Variants in TNFRSF8 observed in about 807,000 individuals in gnomAD.
The protein encoded by TNFRSF8 is tumor necrosis factor receptor superfamily member 8.
Under a neutral mutation model 70.8 loss-of-function variants are expected in TNFRSF8, and 26 were observed. The ratio of observed to expected loss-of-function variants is 0.37; its 90% confidence interval spans 0.27 to 0.51. The LOEUF (loss-of-function observed/expected upper bound fraction) is 0.51, where lower values mean the gene tolerates loss of function less well. Ranked by LOEUF, TNFRSF8 falls within the 20% of genes least tolerant of loss-of-function variation. The pLI is 0.94. For synonymous variants in TNFRSF8, 356 were observed against 339.2 expected, an observed-to-expected ratio of 1.05 and a Z score of -0.54; for missense variants, 720 against 807.9, an observed-to-expected ratio of 0.89 and a Z score of 1.32.
chr1:12,094,572 T>TCAGA (rs1348277364), intron 2 of TNFRSF8, among the ~76,000 whole-genome samples: 1 of 151,426 alleles, frequency 6.6e-6, no homozygotes, highest in Admixed American at 6.6e-5. Flanking sequence ...ACTGGGGAAC[T>TCAGA]ACTGAAGTGT....
intron 4 of TNFRSF8, among the ~76,000 whole-genome samples, chr1:12,107,863 G>T (rs757742154): frequency 2.0e-5 from 3 of 152,028 alleles, no homozygotes; most frequent in African/African-American, 7.2e-5. Flanking sequence ...AAATTCTCAC[G>T]TCTCCATAAG....
chr1:12,115,815 G>A, intron 8 of TNFRSF8, 86 bp downstream of exon 8: 1 of 1,477,522 alleles, frequency 6.8e-7, no homozygotes, highest in East Asian at 2.4e-5. Context: ...AGCCAGGGGT[G>A]GAGGCAAATG....
rs992919687 is a variant in TNFRSF8 at position 12,113,035 on chromosome 1, T to A, written c.793+1021T>A. On this transcript the variant is annotated intron_variant, in intron 7 of 14. Transcript: ENST00000263932. The surrounding 1 kb of genome is among the most constrained non-coding windows in gnomAD (Gnocchi z 4.9). ...TACTAAGGCTGCATAGCAAATTTTC[T>A]TAAAACTTAATTGTGAAAACAAATC... Among the ~76,000 whole-genome samples the A allele has an allele frequency of 6.6e-6, 1 of 152,262 alleles. No homozygotes were observed. Among genetic ancestry groups the A allele is most frequent in the Admixed American group, 6.5e-5 (1 of 15,284 alleles).
chr1:12,103,876 G>A (rs1641468774), intron 3 of TNFRSF8, among the ~76,000 whole-genome samples: 1 of 152,170 alleles, frequency 6.6e-6, no homozygotes, highest in South Asian at 2.1e-4. Flanking sequence ...ATTACTAACT[G>A]AAGTCCATAG....
chr1:12,089,921 CCCATCCAT>C (rs781204282), intron 2 of TNFRSF8, among the ~76,000 whole-genome samples: 7 of 149,980 alleles, frequency 4.7e-5, no homozygotes, highest in African/African-American at 1.2e-4. Flanking sequence ...TCCACCCTTC[CCCATCCAT>C]CCATCCATCC....
intron 2 of TNFRSF8, among the ~76,000 whole-genome samples, chr1:12,095,759 T>G (rs1437807909): frequency 6.6e-6 from 1 of 152,226 alleles, no homozygotes; most frequent in Non-Finnish European, 1.5e-5. Context: ...TGGTCTATTT[T>G]CATTGTAACT....
intron 1 of TNFRSF8, among the ~76,000 whole-genome samples, chr1:12,079,105 C>T (rs563935051): frequency 6.6e-5 from 10 of 152,296 alleles, no homozygotes; most frequent in East Asian, 1.9e-4. Flanking sequence ...TCTAACTCCC[C>T]GCTCACCCCA....
rs1641644437 is a variant in TNFRSF8 at position 12,112,121 on chromosome 1, C to T, written c.793+107C>T. Reference sequence around the variant, plus strand: ...ATGTTTGTGGGTTTTTGATGGGGGTCGCCTCTTTTCAGAGGGCTTCCATTG... The same window carrying T: ...ATGTTTGTGGGTTTTTGATGGGGGTTGCCTCTTTTCAGAGGGCTTCCATTG... On this transcript the variant is annotated intron_variant, in intron 7 of 14. Coordinates refer to ENST00000263932, the MANE Select transcript of TNFRSF8 (RefSeq NM_001243.5). The surrounding 1 kb of genome is among the most constrained non-coding windows in gnomAD (Gnocchi z 5.3). 4.0e-6 allele frequency: 3 copies of T among 755,090 alleles called. No homozygotes were observed. The highest frequency in any genetic ancestry group is 1.8e-5 in the African/African-American group (1 of 56,802). 46.8% of individuals were successfully genotyped at this position (755,090 alleles called of 1,614,324 possible).
intron 8 of TNFRSF8, among the ~76,000 whole-genome samples, chr1:12,118,904 G>A (rs529285477): frequency 2.0e-5 from 3 of 152,048 alleles, no homozygotes; most frequent in South Asian, 4.2e-4. Context: ...TCACTCTGTC[G>A]CCCAGGCTGG....
rs1478645474 is a variant in TNFRSF8, at chr1:12,104,419, C to T, written c.309C>T (p.Ser103=). The stretch of plus-strand genomic sequence containing the variant: ...AGACGCCGTGTGCATGGAACTCCTC[C>T]CGTGTCTGCGAATGTCGACCCGGCA... ...VEKTPCAWNS[S]RVCECRPGMF... The change falls in exon 4 of 15, where the codon TCC becomes TCT. Residue 103 remains serine (S), a synonymous_variant. Coordinates refer to ENST00000263932, the MANE Select transcript of TNFRSF8 (RefSeq NM_001243.5). 4 of 1,614,030 alleles carry T rather than the reference C, an allele frequency of 2.5e-6. No homozygotes were observed. Among genetic ancestry groups the T allele is most frequent in the East Asian group, 4.5e-5 (2 of 44,896 alleles).
At chr1:12,135,824 C>G (rs535743381) in intron 13 of TNFRSF8, among the ~76,000 whole-genome samples, 1 of 152,170 alleles carries the variant, frequency 6.6e-6, no homozygotes, top group Admixed American at 6.5e-5. Flanking sequence ...ACAGAGGCCT[C>G]GCCTGGGGCC....
chr1:12,121,884 C>T (rs575898380), intron 8 of TNFRSF8, among the ~76,000 whole-genome samples: 5 of 152,302 alleles, frequency 3.3e-5, no homozygotes, highest in South Asian at 2.1e-4. Context: ...TACAACAGAA[C>T]GCCATTTGGC....
intron 4 of TNFRSF8, among the ~76,000 whole-genome samples, chr1:12,105,968 A>G (rs1224375375): frequency 6.7e-6 from 1 of 149,282 alleles, no homozygotes; most frequent in African/African-American, 2.5e-5. Context: ...AGAAAACTCC[A>G]GGGACTCACC....
At position 12,123,592 on chromosome 1, in the gene TNFRSF8, C is replaced by G. The variant is rs1254722825; in HGVS notation, c.1041-123C>G. ...GCCCTCAAAATGCCTGGCAGAGACT[C>G]GGGGCAGAGGATCTAGGGGCCCAGG... is the stretch of plus-strand genomic sequence containing the variant. On this transcript the variant is annotated intron_variant, in intron 9 of 14. Coordinates refer to ENST00000263932, the MANE Select transcript of TNFRSF8 (RefSeq NM_001243.5). 8.1e-6 allele frequency: 8 copies of G among 989,342 alleles called. No individual in the cohort carries two copies. In the Admixed American group the frequency reaches 2.0e-4, roughly 25 times the overall value. 61.3% of individuals were successfully genotyped at this position (989,342 alleles called of 1,614,324 possible).
intron 8 of TNFRSF8, among the ~76,000 whole-genome samples, chr1:12,118,850 T>TTTTG (rs912473985): frequency 7.2e-5 from 11 of 151,952 alleles, no homozygotes; most frequent in African/African-American, 2.2e-4. Context: ...GCATTTGTTT[T>TTTTG]TTTGTTTGTT....
intron 1 of TNFRSF8, among the ~76,000 whole-genome samples, chr1:12,076,540 C>T (rs1214668186): frequency 6.6e-6 from 1 of 152,166 alleles, no homozygotes; most frequent in Non-Finnish European, 1.5e-5. Flanking sequence ...CTCCAGGCTC[C>T]ACCCTCTATG....
At chr1:12,122,835 CTTTGT>C (rs1216336770) in intron 8 of TNFRSF8, among the ~76,000 whole-genome samples, 2 of 151,908 alleles carry the variant, frequency 1.3e-5, no homozygotes, top group Non-Finnish European at 2.9e-5. Context: ...AACTTCTCCA[CTTTGT>C]TTTATTTATT....
intron 2 of TNFRSF8, among the ~76,000 whole-genome samples, chr1:12,086,061 G>A (rs1641148298): frequency 6.6e-6 from 1 of 152,194 alleles, no homozygotes; most frequent in African/African-American, 2.4e-5. Context: ...TTCCGACAGT[G>A]GGGGCGGAGG....
At chr1:12,069,416 C>T (rs182386026) in intron 1 of TNFRSF8, among the ~76,000 whole-genome samples, 4 of 150,810 alleles carry the variant, frequency 2.7e-5, no homozygotes, top group African/African-American at 4.9e-5. Flanking sequence ...TGACCTCAGA[C>T]GAGCCCCCCC....
Sources: gnomAD v4.1 joint callset for allele counts (sites outside exome capture counted in the v4.1 genomes callset) on GRCh38, gnomAD v4.1.1 for gene constraint, Gnocchi (gnomAD v3.1) non-coding constraint, MANE v1.5 for transcripts, NCBI Gene and HGNC (gene_info 2026-07-23, HGNC 2026-07-21) for gene names.